The following TANC1 variants were observed in gnomAD, a reference collection of about 807,000 sequenced individuals.
TANC1 encodes tetratricopeptide repeat, ankyrin repeat and coiled-coil containing 1, also known as protein TANC1.
TANC1 carries 77 observed loss-of-function variants against 149.7 expected under a neutral mutation model. The ratio of observed to expected loss-of-function variants is 0.51; its 90% CI spans 0.43 to 0.62. The LOEUF (loss-of-function observed/expected upper bound fraction) is 0.62. Ranked by LOEUF, TANC1 falls within the 20% of genes least tolerant of loss-of-function variation. The pLI is 0.00. For synonymous variants in TANC1, 854 were observed against 925.0 expected (o/e 0.92, Z 1.39); for missense variants, 1,985 against 2,321.8 (o/e 0.85, Z 2.98).
chr2:159,081,003 A>T (rs1336118143), intron 3 of TANC1, among the ~76,000 whole-genome samples: 1 of 152,174 alleles, frequency 6.6e-6, no homozygotes. Flanking sequence ...TCCCTGTGGG[A>T]ATGGTAGGCC....
Position 159,170,805 on chromosome 2 carries a change from A to T in TANC1, c.1351A>T (p.Thr451Ser). Reference protein sequence around the residue: ...ASNSPGSSPKTSDPTQDLHFT... With the variant: ...ASNSPGSSPKSSDPTQDLHFT... ...CAACAGCCCGGGTTCATCACCTAAAAGTACGTGCATGTTTAATTACTTGTC... is the reference window on the plus strand; with the variant it reads ...CAACAGCCCGGGTTCATCACCTAAATGTACGTGCATGTTTAATTACTTGTC... The change falls in exon 10 of 27, where the codon ACC becomes TCC. Residue 451 changes from threonine (T) to serine (S), a missense_variant and splice_region_variant. By Grantham distance (58) the Thr-to-Ser change is moderately conservative (BLOSUM62 1). This residue lies in a region of TANC1 where 557 missense variants were observed against 612.9 expected (regional missense o/e 0.91). Transcript: ENST00000263635. 1.2e-6 allele frequency: 2 copies of T among 1,612,516 alleles called. No homozygotes were observed. Among genetic ancestry groups the T allele is most frequent in the East Asian group, 4.5e-5 (2 of 44,844 alleles).
At chr2:159,225,448 C>G in intron 23 of TANC1, 1 of 564,920 alleles carries the variant, frequency 1.8e-6, no homozygotes, top group Non-Finnish European at 3.2e-6. Context: ...TTTCGCTGCT[C>G]GGATGCCTTC....
chr2:159,144,343 A>G (rs2051802607), intron 5 of TANC1, among the ~76,000 whole-genome samples: 1 of 152,176 alleles, frequency 6.6e-6, no homozygotes, highest in African/African-American at 2.4e-5. Flanking sequence ...AATTATTGAC[A>G]GAAACAGAGC....
At chr2:159,049,793 G>T (rs998481763) in intron 2 of TANC1, among the ~76,000 whole-genome samples, 1 of 152,198 alleles carries the variant, frequency 6.6e-6, no homozygotes, top group Non-Finnish European at 1.5e-5. Context: ...CCTGGACCCA[G>T]ACTAGTGAGT....
chr2:159,080,557 T>G (rs1425097114), intron 3 of TANC1, among the ~76,000 whole-genome samples: 1 of 152,190 alleles, frequency 6.6e-6, no homozygotes, highest in African/African-American at 2.4e-5. Flanking sequence ...ATACCTGGTA[T>G]ATTTCCTATG....
intron 5 of TANC1, chr2:159,148,320 G>A (rs1362564563): frequency 6.6e-6 from 1 of 152,180 alleles, no homozygotes; most frequent in African/African-American, 2.4e-5. Flanking sequence ...AGTGCCTTTG[G>A]GCTTTTTGGG....
chr2:159,119,969 C>T (rs534567715), intron 4 of TANC1, among the ~76,000 whole-genome samples: 7 of 152,282 alleles, frequency 4.6e-5, no homozygotes, highest in South Asian at 4.1e-4. Context: ...GCCTCTTGCT[C>T]GCAAGCCCAG....
intron 19 of TANC1, among the ~76,000 whole-genome samples, chr2:159,212,476 A>G (rs1375857077): frequency 6.6e-6 from 1 of 152,180 alleles, no homozygotes; most frequent in African/African-American, 2.4e-5. Context: ...CTTCATCCCT[A>G]CCCTTCACAG....
At chr2:159,007,118 T>A (rs943624269) in intron 2 of TANC1, among the ~76,000 whole-genome samples, 11 of 151,656 alleles carry the variant, frequency 7.3e-5, no homozygotes, top group Admixed American at 7.2e-4. Flanking sequence ...ACAGGTGTAC[T>A]GTTTTTTATC....
At chr2:159,171,067 G>A (rs1458562338) in intron 10 of TANC1, among the ~76,000 whole-genome samples, 3 of 96 alleles carry the variant, frequency 0.031, no homozygotes, top group Non-Finnish European at 0.042. Flanking sequence ...GCAGAGATGG[G>A]CCAGTGAGGC....
chr2:159,184,608 G>A (rs1351985064), intron 14 of TANC1, among the ~76,000 whole-genome samples: 1 of 152,190 alleles, frequency 6.6e-6, no homozygotes, highest in Non-Finnish European at 1.5e-5. Context: ...GGGCCAGAAT[G>A]AATCCTGGGA....
intron 25 of TANC1, 180 bp from the exon 26 acceptor site, chr2:159,228,616 T>C: frequency 1.7e-6 from 1 of 592,448 alleles, no homozygotes; most frequent in Admixed American, 2.9e-5. Flanking sequence ...CTTCTCCTAA[T>C]GATATTAATC....
chr2:159,210,163 C>T (rs554717662), intron 19 of TANC1, among the ~76,000 whole-genome samples: 4 of 152,116 alleles, frequency 2.6e-5, no homozygotes, highest in Non-Finnish European at 4.4e-5. Flanking sequence ...TTTCATACAT[C>T]CGTGGGTAAT....
chr2:159,000,430 G>A (rs1036886980), intron 1 of TANC1, among the ~76,000 whole-genome samples: 3 of 152,102 alleles, frequency 2.0e-5, no homozygotes, highest in African/African-American at 4.8e-5. Context: ...CAGTGGTTGC[G>A]GGGAGTGGGA....
intron 5 of TANC1, among the ~76,000 whole-genome samples, chr2:159,144,431 A>G (rs2051818846): frequency 6.6e-6 from 1 of 152,160 alleles, no homozygotes. Flanking sequence ...GCTGGAGTAC[A>G]GTGGCACAAT....
rs7577182 is a variant in TANC1, at chr2:159,037,917, T to C, written c.-15-27979T>C. Among the ~76,000 whole-genome samples the C allele has an allele frequency of 1.1e-3, 162 of 152,356 alleles. 1 individual carries two copies. The highest frequency in any genetic ancestry group is 3.6e-3 in the African/African-American group (151 of 41,586). On this transcript the variant is annotated intron_variant, in intron 2 of 26. Transcript: ENST00000263635. ...AAAGTCATTGGTAGCTTGATGGAGA[T>C]GGCATTGAATCTATAAATTACCTTG...
intron 2 of TANC1, among the ~76,000 whole-genome samples, chr2:159,060,663 T>C (rs1292138255): frequency 6.6e-6 from 1 of 152,250 alleles, no homozygotes; most frequent in Non-Finnish European, 1.5e-5. Context: ...GCCTGTGTTC[T>C]GGCTTCTGTT....
intron 22 of TANC1, 151 bp downstream of exon 22, chr2:159,220,018 GTGTCT>G (rs961941953): frequency 1.2e-5 from 8 of 674,184 alleles, no homozygotes; most frequent in African/African-American, 7.7e-5. Context: ...GTGTGTGTGT[GTGTCT>G]TGTCAGGGAT....
At position 159,178,703 on chromosome 2, in the gene TANC1, G is replaced by A. The variant is rs774434101; in HGVS notation, c.2050G>A (p.Ala684Thr). The change falls in exon 14 of 27, where the codon GCC (alanine) becomes ACC (threonine). Residue 684 changes from alanine to threonine, a missense_variant. By Grantham distance (58) the Ala-to-Thr change is moderately conservative. This residue lies in a region of TANC1 where 508 missense variants were observed against 714.2 expected (regional missense o/e 0.71). Transcript: ENST00000263635. ...CAGCAACATCTCCCTGAATGGCAAG[G>A]CCGATGCCACACTCATTGGAAAAGT... ...ILSNISLNGKADATLIGKVSS... is the reference protein window; with the variant it reads ...ILSNISLNGKTDATLIGKVSS... 1.2e-6 allele frequency: 2 copies of A among 1,614,172 alleles called. No homozygotes were observed. The highest frequency in any genetic ancestry group is 3.3e-5 in the Admixed American group (2 of 60,018).
Sources: allele counts gnomAD v4.1 joint callset (sites outside exome capture counted in the v4.1 genomes callset), GRCh38; gene constraint gnomAD v4.1.1; regional missense constraint gnomAD v4.1.1; transcripts MANE v1.5; gene names NCBI Gene and HGNC (gene_info 2026-07-23, HGNC 2026-07-21).